KDM6A: variants seen among roughly 807,000 people sequenced by gnomAD.
KDM6A encodes lysine-specific demethylase 6A.
In KDM6A, 11 loss-of-function variants were observed where a neutral mutation model predicts 117.6. The observed-to-expected ratio is 0.09, with a 90% CI of 0.06 to 0.15. KDM6A has a LOEUF of 0.15. KDM6A is among the 10% of genes least tolerant of loss of function. The pLI, the probability that KDM6A is intolerant of heterozygous loss-of-function variation, is 1.00. For missense variants in KDM6A, 799 were observed against 1,077.3 expected (o/e 0.74, Z 3.62); for synonymous variants, 384 against 396.1 (o/e 0.97, Z 0.36).
rs764301762 is a variant in KDM6A at position 44,896,047 on chromosome X, C to T, written c.225+22060C>T. Among the ~76,000 whole-genome samples the T allele has an allele frequency of 9.5e-4, 103 of 108,349 alleles. 1 individual carries two copies. Among genetic ancestry groups the T allele is most frequent in the African/African-American group, 3.3e-3 (98 of 29,783 alleles). 94.1% of individuals were successfully genotyped at this position (108,349 alleles called of 115,157 possible). A position where few individuals can be genotyped will look rare whatever the true frequency, so the allele number is the denominator to read the frequency against. The stretch of plus-strand genomic sequence containing the variant: ...ACAGAAACTTTTCTTCCACTTAGGT[C>T]CTTTTGCCCTCTTTACTTTAAAAAT... On this transcript the variant is annotated intron_variant, in intron 2 of 29. Coordinates refer to ENST00000611820, the MANE Select transcript of KDM6A (RefSeq NM_001291415.2).
intron 6 of KDM6A, 102 bp from the exon 7 acceptor site, chrX:45,034,829 T>C (rs1350471328): frequency 1.5e-5 from 9 of 620,570 alleles, no homozygotes; most frequent in Non-Finnish European, 2.2e-5. Context: ...GCATAGCATG[T>C]ATTTATTATT....
At chrX:45,086,004 T>C in intron 25 of KDM6A, 25 bp downstream of exon 25, 1 of 931,635 alleles carries the variant, frequency 1.1e-6, no homozygotes, top group Non-Finnish European at 1.6e-6. Flanking sequence ...TAAATTTTCT[T>C]AAAACATATA....
At chrX:44,916,737 C>T (rs1056853297) in intron 2 of KDM6A, among the ~76,000 whole-genome samples, 2 of 110,238 alleles carry the variant, frequency 1.8e-5, no homozygotes, top group African/African-American at 6.6e-5. Flanking sequence ...GCTCGACCTC[C>T]TAGGCTCAAG....
Position 45,083,265 on chromosome X carries a change from A to T in KDM6A, c.3441-195A>T, listed in dbSNP as rs902443239. Among the ~76,000 whole-genome samples the T allele has an allele frequency of 4.5e-5, 5 of 112,036 alleles. No individual in the cohort carries two copies. In the South Asian group the frequency reaches 1.5e-3, roughly 33 times the overall value. On this transcript the variant is annotated intron_variant, in intron 23 of 29. Transcript: ENST00000611820. ...TAGTTTTTTTCTTTTATTGGTGAAT[A>T]ATTTTTATGCCTATTTTTTGTTGGG...
At chrX:44,875,117 GT>G (rs2031360411) in intron 2 of KDM6A, among the ~76,000 whole-genome samples, 2 of 112,349 alleles carry the variant, frequency 1.8e-5, no homozygotes, top group African/African-American at 6.5e-5. Flanking sequence ...GAAAGTTGGA[GT>G]GTGTGCTATG....
intron 2 of KDM6A, among the ~76,000 whole-genome samples, chrX:44,912,025 G>GGAGAGGGA (rs1161880882): frequency 5.8e-4 from 62 of 106,557 alleles, no homozygotes; most frequent in African/African-American, 2.0e-3. Context: ...TGGAAAGGAG[G>GGAGAGGGA]GAGAGGGAGA....
At chrX:45,041,576 G>A (rs2043210207) in intron 8 of KDM6A, among the ~76,000 whole-genome samples, 1 of 111,491 alleles carries the variant, frequency 9.0e-6, no homozygotes, top group Non-Finnish European at 1.9e-5. Flanking sequence ...CTTCTCAGAC[G>A]GGGCGGCTGG....
At chrX:45,098,713 T>C (rs949617384) in intron 27 of KDM6A, among the ~76,000 whole-genome samples, 2 of 112,144 alleles carry the variant, frequency 1.8e-5, no homozygotes, top group African/African-American at 6.5e-5. Context: ...CAATCACTGC[T>C]AAGGTATTAG....
At chrX:45,082,095 T>C (rs2045437728) in intron 21 of KDM6A, among the ~76,000 whole-genome samples, 1 of 109,933 alleles carries the variant, frequency 9.1e-6, no homozygotes, top group Non-Finnish European at 1.9e-5. Context: ...GGTATTTATT[T>C]ATTTAATGTG....
At chrX:45,030,113 G>C (rs1465372794) in intron 6 of KDM6A, among the ~76,000 whole-genome samples, 1 of 110,539 alleles carries the variant, frequency 9.0e-6, no homozygotes, top group African/African-American at 3.3e-5. Context: ...AGTAGCAGCC[G>C]GTTTTGGGTT....
intron 9 of KDM6A, among the ~76,000 whole-genome samples, chrX:45,052,847 G>A (rs1290357579): frequency 3.6e-5 from 4 of 110,748 alleles, no homozygotes; most frequent in Admixed American, 9.6e-5. Context: ...ATGCCACCAC[G>A]CCTGGCTGAT....
At chrX:44,928,044 A>C (rs2036408657) in intron 2 of KDM6A, among the ~76,000 whole-genome samples, 2 of 112,000 alleles carry the variant, frequency 1.8e-5, no homozygotes, top group South Asian at 7.3e-4. Flanking sequence ...CTAGGGGACT[A>C]TAAAGGAGAC....
chrX:44,982,694 C>T (rs2039972542), intron 4 of KDM6A, among the ~76,000 whole-genome samples: 1 of 111,777 alleles, frequency 8.9e-6, no homozygotes, highest in Admixed American at 9.6e-5. Flanking sequence ...GAAAATTATA[C>T]TGTACTTCTT....
chrX:44,985,273 T>C (rs781554219), intron 4 of KDM6A, among the ~76,000 whole-genome samples: 55 of 112,234 alleles, frequency 4.9e-4, no homozygotes, highest in Non-Finnish European at 8.3e-4. Flanking sequence ...CCTGAGACTT[T>C]GCTGAAGTTG....
chrX:45,033,699 T>TC (rs1462983728), intron 6 of KDM6A, among the ~76,000 whole-genome samples: 1 of 110,362 alleles, frequency 9.1e-6, no homozygotes, highest in Non-Finnish European at 1.9e-5. Flanking sequence ...GACTACAGGC[T>TC]CTCACCACTA....
chrX:45,052,173 A>G (rs141523207), intron 9 of KDM6A, among the ~76,000 whole-genome samples: 5,245 of 112,068 alleles, frequency 0.047, 317 homozygotes, highest in African/African-American at 0.16. Context: ...ATGACTACAA[A>G]ACAATTTATC....
At chrX:45,102,651 G>GGTTTGA (rs1286430555) in intron 27 of KDM6A, among the ~76,000 whole-genome samples, 1 of 111,225 alleles carries the variant, frequency 9.0e-6, no homozygotes, top group Non-Finnish European at 1.9e-5. Flanking sequence ...TACTCTGTTG[G>GGTTTGA]GTTTGATATA....
chrX:45,068,786 T>TTCTTTC (rs758877055), intron 17 of KDM6A, among the ~76,000 whole-genome samples: 45,482 of 85,104 alleles, frequency 0.53, 10,990 homozygotes, highest in Non-Finnish European at 0.62. Flanking sequence ...CTCCTCTCTC[T>TTCTTTC]TCTTTCTCTT....
At chrX:44,889,285 A>G (rs990287191) in intron 2 of KDM6A, among the ~76,000 whole-genome samples, 3 of 112,088 alleles carry the variant, frequency 2.7e-5, no homozygotes, top group Middle Eastern at 4.6e-3. Context: ...AAAGTACTGG[A>G]ATTGCAGGTG....
Sources: gnomAD v4.1 joint callset for allele counts (sites outside exome capture counted in the v4.1 genomes callset) on GRCh38, gnomAD v4.1.1 for gene constraint, MANE v1.5 for transcripts, NCBI Gene and HGNC (gene_info 2026-07-23, HGNC 2026-07-21) for gene names.